The following ANO2 variants were observed in gnomAD, a reference collection of about 807,000 sequenced individuals.
ANO2 encodes anoctamin-2.
ANO2 carries 101 observed loss-of-function variants against 124.2 expected under a neutral mutation model. That is an observed-to-expected ratio of 0.81 (90% confidence interval 0.69 to 0.96). The LOEUF (loss-of-function observed/expected upper bound fraction) is 0.96, where lower values mean the gene tolerates loss of function less well. Ranked by LOEUF, ANO2 falls within the 40% of genes least tolerant of loss-of-function variation. ANO2 has a pLI of 0.00. For synonymous variants in ANO2, 486 were observed against 482.5 expected, an observed-to-expected ratio of 1.01 and a Z score of -0.09; for missense variants, 1,293 against 1,274.5, an observed-to-expected ratio of 1.01 and a Z score of -0.22.
chr12:5,582,718 C>G (rs150183448), intron 20 of ANO2, among the ~76,000 whole-genome samples: 7 of 152,214 alleles, frequency 4.6e-5, no homozygotes, highest in Non-Finnish European at 1.0e-4. Context: ...CGCCTGCCTT[C>G]CAACCATTCC....
chr12:5,565,581 G>C lies in ANO2; in HGVS notation c.2704C>G (p.Leu902Val). 6.2e-7 allele frequency: 1 copy of C among 1,603,884 alleles called. No individual in the cohort carries two copies. Among genetic ancestry groups the C allele is most frequent in the Non-Finnish European group, 8.5e-7 (1 of 1,174,804 alleles). Residue 902 changes from leucine to valine, a missense_variant, in exon 24 of 25, where the codon CTG becomes GTG. Transcript: ENST00000682330. Reference sequence around the variant, plus strand: ...ACCTGGAAGATTATGACAAAAGCCAGACGGGCGGACAGAATAAACCAGTAC... The same window carrying C: ...ACCTGGAAGATTATGACAAAAGCCACACGGGCGGACAGAATAAACCAGTAC... Reference protein sequence around the residue: ...KQYWFILSARLAFVIIFQNLV... With the variant: ...KQYWFILSARVAFVIIFQNLV...
At chr12:5,621,304 A>C (rs755927999) in intron 16 of ANO2, among the ~76,000 whole-genome samples, 1 of 152,238 alleles carries the variant, frequency 6.6e-6, no homozygotes, top group South Asian at 2.1e-4. Context: ...AATGAATGAC[A>C]GGAAAAATGT....
chr12:5,662,600 A>G (rs10774354), intron 14 of ANO2, among the ~76,000 whole-genome samples: 46,190 of 152,112 alleles, frequency 0.3, 8,275 homozygotes, highest in East Asian at 0.53. Context: ...TGCAGACAAC[A>G]TACATCTAAA....
intron 3 of ANO2, among the ~76,000 whole-genome samples, chr12:5,886,540 G>C (rs1938922728): frequency 6.6e-6 from 1 of 152,172 alleles, no homozygotes; most frequent in Non-Finnish European, 1.5e-5. Flanking sequence ...ACTTCAAAAT[G>C]TAAGAGGCTA....
chr12:5,820,847 G>T (rs922135798), intron 7 of ANO2, among the ~76,000 whole-genome samples: 1 of 152,204 alleles, frequency 6.6e-6, no homozygotes, highest in African/African-American at 2.4e-5. Flanking sequence ...TACCAGATGT[G>T]GTTTCATTGC....
At chr12:5,568,225 C>T (rs1464804194) in intron 23 of ANO2, among the ~76,000 whole-genome samples, 1 of 150,868 alleles carries the variant, frequency 6.6e-6, no homozygotes, top group Admixed American at 6.6e-5. Context: ...CTGCAACCTC[C>T]GCCTCCCAGG....
At chr12:5,811,629 GTTT>G (rs1449732406) in intron 7 of ANO2, among the ~76,000 whole-genome samples, 2 of 152,196 alleles carry the variant, frequency 1.3e-5, no homozygotes, top group African/African-American at 4.8e-5. Flanking sequence ...CAAGAAAGGT[GTTT>G]ACCCTCCTCT....
rs542969984 is a variant in ANO2 at position 5,808,055 on chromosome 12, G to A, written c.893-687C>T. On this transcript the variant is annotated intron_variant, in intron 7 of 24. Transcript: ENST00000682330. ...TATGGCTAATGGCATGTGTGTTTGT[G>A]TATTCTTGCACTTTCACAATTTCTC... 3.1e-4 allele frequency among the ~76,000 whole-genome samples: 47 copies of A among 152,356 alleles called. No homozygotes were observed. In the South Asian group the frequency reaches 9.3e-3, roughly 30 times the overall value.
At chr12:5,674,534 T>C (rs1436355696) in intron 14 of ANO2, among the ~76,000 whole-genome samples, 12 of 152,232 alleles carry the variant, frequency 7.9e-5, no homozygotes, top group African/African-American at 2.9e-4. Flanking sequence ...GGCTGGCACG[T>C]GGCTTGCACT....
chr12:5,596,384 T>C, intron 20 of ANO2, among the ~76,000 whole-genome samples: 1 of 152,352 alleles, frequency 6.6e-6, no homozygotes, highest in Middle Eastern at 3.4e-3. Flanking sequence ...ATTTTATTTT[T>C]AAATTCATGT....
rs1245917084 is a variant in ANO2 at position 5,615,215 on chromosome 12, G to T, written c.1899C>A (p.Pro633=). The T allele has an allele frequency of 1.9e-6, 3 of 1,613,630 alleles. No homozygotes were observed. The change falls in exon 17 of 25, where the codon CCC becomes CCA. Residue 633 remains proline, a synonymous_variant. Transcript: ENST00000682330. The part of the protein sequence containing the change: ...FLLKFVNAYS[P]IFYVAFFKGR... ...CTTTGAAAAAGGCCACATAGAAGAT[G>T]GGGGAGTAGGCATTGACAAACTTGA...
chr12:5,913,608 C>T (rs1436719677), intron 3 of ANO2, among the ~76,000 whole-genome samples: 1 of 152,228 alleles, frequency 6.6e-6, no homozygotes, highest in Non-Finnish European at 1.5e-5. Flanking sequence ...TGACAAGGAT[C>T]CCAGAAGCTC....
At position 5,854,105 on chromosome 12, in the gene ANO2, C is replaced by A. The variant is rs763491972; in HGVS notation, c.571G>T (p.Ala191Ser). The A allele has an allele frequency of 6.2e-7, 1 of 1,613,214 alleles. No individual in the cohort carries two copies. The highest frequency in any genetic ancestry group is 1.1e-5 in the South Asian group (1 of 91,070). ...TCTCTGGCCAGCACCTGCCACGGGG[C>A]GTGTATCCGGACAAAGATGGATCCC... ...SQGSIFVRIHAPWQVLAREAE... is the reference protein window; with the variant it reads ...SQGSIFVRIHSPWQVLAREAE... The change falls in exon 4 of 25, where the codon GCC becomes TCC. Residue 191 changes from alanine to serine, a missense_variant. Transcript: ENST00000682330.
intron 1 of ANO2, among the ~76,000 whole-genome samples, chr12:5,923,167 CACACACGCACACACACAT>C (rs1158017594): frequency 0.083 from 6,026 of 72,426 alleles, 1,701 homozygotes; most frequent in Middle Eastern, 0.14. Context: ...CACGCATACA[CACACACGCACACACACAT>C]ACACACACAC....
intron 20 of ANO2, among the ~76,000 whole-genome samples, chr12:5,582,911 A>T (rs190291606): frequency 6.6e-6 from 1 of 152,200 alleles, no homozygotes; most frequent in East Asian, 1.9e-4. Flanking sequence ...ATTTCCCACC[A>T]GCACTGCAGG....
chr12:5,570,480 CTT>C (rs1220579509), intron 23 of ANO2, among the ~76,000 whole-genome samples: 3 of 151,764 alleles, frequency 2.0e-5, no homozygotes, highest in Non-Finnish European at 2.9e-5. Context: ...AGAAAAGAAT[CTT>C]TGAAGATTTT....
chr12:5,636,288 G>A lies in ANO2; in HGVS notation c.1621-941C>T. 6.6e-6 allele frequency among the ~76,000 whole-genome samples: 1 copy of A among 152,066 alleles called. No homozygotes were observed. The highest frequency in any genetic ancestry group is 1.9e-4 in the East Asian group (1 of 5,168). The stretch of plus-strand genomic sequence containing the variant: ...CCTGTCCCCATCGCAACCAAGGAAG[G>A]ATCATTTCCAGGAAGCACAAGGATG... On this transcript the variant is annotated intron_variant, in intron 15 of 24. Coordinates refer to ENST00000682330, the MANE Select transcript of ANO2 (RefSeq NM_001364791.2). This position sits in a 1 kb window ranked among gnomAD's most constrained non-coding sequence, Gnocchi z 4.6.
intron 4 of ANO2, among the ~76,000 whole-genome samples, chr12:5,843,452 C>T (rs1004149892): frequency 6.6e-6 from 1 of 151,768 alleles, no homozygotes; most frequent in Non-Finnish European, 1.5e-5. Flanking sequence ...TGGGAGGCTG[C>T]GGTATGAGAA....
chr12:5,902,121 A>G (rs1173077803), intron 3 of ANO2, among the ~76,000 whole-genome samples: 1 of 152,238 alleles, frequency 6.6e-6, no homozygotes, highest in Non-Finnish European at 1.5e-5. Flanking sequence ...CCCTTCCACT[A>G]CAGCATAGTG....
Sources: allele counts gnomAD v4.1 joint callset (sites outside exome capture counted in the v4.1 genomes callset), GRCh38; gene constraint gnomAD v4.1.1; non-coding constraint Gnocchi (gnomAD v3.1); transcripts MANE v1.5; gene names NCBI Gene and HGNC (gene_info 2026-07-23, HGNC 2026-07-21).